PHLDB2: variants seen among roughly 807,000 people sequenced by gnomAD.
PHLDB2 encodes the protein pleckstrin homology-like domain family B member 2.
Under a neutral mutation model 123.6 loss-of-function variants are expected in PHLDB2, and 71 were observed. The observed-to-expected ratio is 0.57, with a 90% CI of 0.47 to 0.70. The LOEUF (loss-of-function observed/expected upper bound fraction) is 0.70, where lower values mean the gene tolerates loss of function less well. Ranked by LOEUF, PHLDB2 falls within the 30% of genes least tolerant of loss-of-function variation. The pLI is 0.00. For missense variants in PHLDB2, 1,446 were observed against 1,519.5 expected, an observed-to-expected ratio of 0.95 and a Z score of 0.80; for synonymous variants, 547 against 541.6, an observed-to-expected ratio of 1.01 and a Z score of -0.14.
rs1446013893 is a variant in PHLDB2 at position 111,974,428 on chromosome 3, T to A, written c.3627T>A (p.Pro1209=). ...TTTCCTTTTTTGAATTTTAGAGTCC[T>A]AATCCGTTACTCACCTTTAGCGTCA... ...YDHLKNANKS[P]NPLLTFSVKT... is the part of the protein sequence containing the mutation. Residue 1209 remains proline, a synonymous_variant, in exon 18 of 18, where the codon CCT becomes CCA. Transcript: ENST00000431670. 6.2e-7 allele frequency: 1 copy of A among 1,602,422 alleles called. No individual in the cohort carries two copies. The highest frequency in any genetic ancestry group is 1.1e-5 in the South Asian group (1 of 88,662).
At chr3:111,966,550 A>G (rs1283002) in intron 13 of PHLDB2, 63 bp from the exon 14 acceptor site, 110,413 of 839,812 alleles carry the variant, frequency 0.13, 6,824 homozygotes, top group African/African-American at 0.29. Context: ...GTGTGTGTGT[A>G]TGTATTAGAG....
chr3:111,892,756 C>T (rs915445327), intron 2 of PHLDB2, among the ~76,000 whole-genome samples: 12 of 152,148 alleles, frequency 7.9e-5, no homozygotes, highest in African/African-American at 2.9e-4. Context: ...AAAACCAAAG[C>T]TACAGGTCTG....
chr3:111,885,585 T>C, intron 2 of PHLDB2, 173 bp downstream of exon 2: 1 of 890,406 alleles, frequency 1.1e-6, no homozygotes, highest in Non-Finnish European at 1.8e-6. Flanking sequence ...ATATCACTAT[T>C]AATAGGCTTG....
At chr3:111,898,389 G>A (rs966828300) in intron 2 of PHLDB2, among the ~76,000 whole-genome samples, 1 of 152,016 alleles carries the variant, frequency 6.6e-6, no homozygotes, top group African/African-American at 2.4e-5. Flanking sequence ...CACCATGTTG[G>A]CCAGGCTCGT....
intron 13 of PHLDB2, among the ~76,000 whole-genome samples, chr3:111,965,858 TTG>T (rs1369029893): frequency 6.6e-6 from 1 of 152,240 alleles, no homozygotes; most frequent in Non-Finnish European, 1.5e-5. Context: ...AGTTTTCACT[TTG>T]TCTGTTAGTT....
chr3:111,836,453 C>T (rs973417243), intron 1 of PHLDB2, among the ~76,000 whole-genome samples: 2 of 152,088 alleles, frequency 1.3e-5, no homozygotes, highest in African/African-American at 4.8e-5. Context: ...AGTTCTAGCT[C>T]CTCACTGACG....
chr3:111,881,139 T>TG (rs1313241314), intron 1 of PHLDB2, among the ~76,000 whole-genome samples: 1 of 152,238 alleles, frequency 6.6e-6, no homozygotes, highest in Admixed American at 6.5e-5. Context: ...TCATACCTGC[T>TG]GGCATAGCTG....
Position 111,932,320 on chromosome 3 carries a change from C to T in PHLDB2, c.2053C>T (p.Leu685Phe). ...GGAAAAACTAGAGAGGCTTCAGGAG[C>T]TTTACTCCGAGCAGAAGACCCAGCT... ...EREKLERLQE[L>F]YSEQKTQLDN... Residue 685 changes from leucine to phenylalanine, a missense_variant, in exon 6 of 18, where the codon CTT becomes TTT. Coordinates refer to ENST00000431670, the MANE Select transcript of PHLDB2 (RefSeq NM_001134438.2). The T allele has an allele frequency of 6.4e-6, 10 of 1,551,546 alleles. No individual in the cohort carries two copies. The highest frequency in any genetic ancestry group is 8.7e-6 in the Non-Finnish European group (10 of 1,146,800).
At chr3:111,822,788 C>A (rs756490400) in intron 1 of PHLDB2, among the ~76,000 whole-genome samples, 3 of 152,102 alleles carry the variant, frequency 2.0e-5, no homozygotes, top group African/African-American at 7.2e-5. Flanking sequence ...GCCACCAGAA[C>A]TTTTCTTTCC....
chr3:111,830,333 C>A (rs530025442), intron 1 of PHLDB2, among the ~76,000 whole-genome samples: 2 of 151,942 alleles, frequency 1.3e-5, no homozygotes, highest in African/African-American at 4.8e-5. Context: ...TAGAAAGAAA[C>A]GAGACTGACA....
At chr3:111,743,558 G>T (rs1234151654) in intron 1 of PHLDB2, among the ~76,000 whole-genome samples, 3 of 152,178 alleles carry the variant, frequency 2.0e-5, no homozygotes, top group Non-Finnish European at 4.4e-5. Context: ...ATCTTCTGAT[G>T]TCAGCAGCTG....
chr3:111,733,670 G>T (rs1941581628), intron 1 of PHLDB2, among the ~76,000 whole-genome samples: 1 of 152,206 alleles, frequency 6.6e-6, no homozygotes, highest in Non-Finnish European at 1.5e-5. Flanking sequence ...TCTTGAGGAA[G>T]AATAAAGTTA....
intron 1 of PHLDB2, among the ~76,000 whole-genome samples, chr3:111,776,456 C>T (rs1333897624): frequency 1.3e-5 from 2 of 152,070 alleles, no homozygotes; most frequent in East Asian, 3.8e-4. Context: ...AATTTACTAA[C>T]TGAGTGCACG....
chr3:111,901,383 A>C (rs1406236954), intron 2 of PHLDB2, among the ~76,000 whole-genome samples: 1 of 151,628 alleles, frequency 6.6e-6, no homozygotes, highest in East Asian at 1.9e-4. Flanking sequence ...AAATTAACAC[A>C]TAATATTTTT....
At chr3:111,786,696 T>TTA (rs1234260241) in intron 1 of PHLDB2, among the ~76,000 whole-genome samples, 1 of 152,142 alleles carries the variant, frequency 6.6e-6, no homozygotes, top group African/African-American at 2.4e-5. Flanking sequence ...CAGTAGAATC[T>TTA]TAGGCAGATC....
chr3:111,911,765 A>G lies in PHLDB2; in HGVS notation c.1336-1554A>G, dbSNP rs761546172. The G allele has an allele frequency of 4.9e-5, 74 of 1,495,206 alleles. 1 individual carries two copies. In the South Asian group the frequency reaches 7.9e-4, roughly 16 times the overall value. 92.6% of individuals were successfully genotyped at this position (1,495,206 alleles called of 1,614,324 possible). On this transcript the variant is annotated intron_variant, in intron 2 of 17. Transcript: ENST00000431670. ...AACTAGTTTATTAGTCCTTTTGATCAAGCTATTGCTCTTTTGTTTTTTTTG... is the reference window on the plus strand; with the variant it reads ...AACTAGTTTATTAGTCCTTTTGATCGAGCTATTGCTCTTTTGTTTTTTTTG...
chr3:111,891,643 TC>T (rs1264620634), intron 2 of PHLDB2, among the ~76,000 whole-genome samples: 1 of 151,888 alleles, frequency 6.6e-6, no homozygotes, highest in Non-Finnish European at 1.5e-5. Flanking sequence ...CCCGAAACCA[TC>T]CCTCCCCCAT....
At chr3:111,919,364 T>A in intron 4 of PHLDB2, 149 bp downstream of exon 4, 1 of 764,090 alleles carries the variant, frequency 1.3e-6, no homozygotes, top group Non-Finnish European at 2.1e-6. Flanking sequence ...AGAGTGAAAA[T>A]ACCCTTTTTC....
chr3:111,885,434 A>G (rs1459825641), intron 2 of PHLDB2, 22 bp downstream of exon 2: 2 of 1,613,664 alleles, frequency 1.2e-6, no homozygotes, highest in African/African-American at 2.7e-5. Flanking sequence ...CTCAACAGTG[A>G]TTGACCTCAC....
Sources: allele counts gnomAD v4.1 joint callset (sites outside exome capture counted in the v4.1 genomes callset), GRCh38; gene constraint gnomAD v4.1.1; transcripts MANE v1.5; gene names NCBI Gene and HGNC (gene_info 2026-07-23, HGNC 2026-07-21).